MED26: variants seen among roughly 807,000 people sequenced by gnomAD.
MED26 encodes the protein mediator of RNA polymerase II transcription subunit 26.
A neutral mutation model predicts 43.7 loss-of-function variants in MED26; 7 were observed. That is an observed-to-expected ratio of 0.16 (90% CI 0.09 to 0.30). MED26 has a LOEUF of 0.30. Among genes scored for constraint, MED26 ranks in the 10% least tolerant of loss-of-function variants. The pLI is 1.00. For missense variants in MED26, 784 were observed against 840.6 expected (o/e 0.93, Z 0.83); for synonymous variants, 375 against 371.1 (o/e 1.01, Z -0.12).
chr19:16,622,709 C>A (rs2086257374), intron 1 of MED26, among the ~76,000 whole-genome samples: 1 of 152,154 alleles, frequency 6.6e-6, no homozygotes, highest in African/African-American at 2.4e-5. Context: ...CCCAAAGGAA[C>A]CAGGCAGACG....
Position 16,627,955 on chromosome 19 carries a change from G to C in MED26, c.-12C>G. The C allele has an allele frequency of 6.9e-7, 1 of 1,452,272 alleles. No individual in the cohort carries two copies. Among genetic ancestry groups the C allele is most frequent in the Non-Finnish European group, 9.1e-7 (1 of 1,099,830 alleles). 90.0% of individuals were successfully genotyped at this position (1,452,272 alleles called of 1,614,324 possible). On this transcript the variant is annotated 5_prime_UTR_variant, in exon 1 of 3. Coordinates refer to ENST00000263390, the MANE Select transcript of MED26 (RefSeq NM_004831.5). ...GGAGCCGCTGTCATTGCCTGGGCGAGGCGGGGGGTTGCGGCCGGGCCAGCG... is the reference window on the plus strand; with the variant it reads ...GGAGCCGCTGTCATTGCCTGGGCGACGCGGGGGGTTGCGGCCGGGCCAGCG...
chr19:16,621,936 A>G (rs1428282612), intron 1 of MED26, among the ~76,000 whole-genome samples: 1 of 152,102 alleles, frequency 6.6e-6, no homozygotes, highest in East Asian at 1.9e-4. Context: ...CCATTTTCTC[A>G]AGCCCAGACA....
chr19:16,623,575 G>A (rs2086260796), intron 1 of MED26, among the ~76,000 whole-genome samples: 1 of 152,192 alleles, frequency 6.6e-6, no homozygotes, highest in Non-Finnish European at 1.5e-5. Flanking sequence ...GTCTGTGACA[G>A]AGACCTTAAG....
In MED26 at chr19:16,575,953, GCCACCTGCCCACCTGCCTGCCCGC is replaced by G. The variant is rs1191265653; in HGVS notation, c.*50_*73del. The stretch of plus-strand genomic sequence containing the variant: ...CAGCGCAGGAGGCAGCTGGGCCCCG[GCCACCTGCCCACCTGCCTGCCCGC>G]CCACCCGGCTTCTGCAAGATGGGAA... On this transcript the variant is annotated 3_prime_UTR_variant, in exon 3 of 3. Coordinates refer to ENST00000263390, the MANE Select transcript of MED26 (RefSeq NM_004831.5). 2.6e-5 allele frequency: 37 copies of G among 1,449,222 alleles called. No homozygotes were observed. The highest frequency in any genetic ancestry group is 3.5e-5 in the Non-Finnish European group (37 of 1,064,256). The allele number at this position is 1,449,222 out of a possible 1,614,324, so 89.8% of individuals were successfully genotyped here. A position where few individuals can be genotyped will look rare whatever the true frequency, so the allele number is the denominator to read the frequency against.
chr19:16,596,529 C>T (rs1047676216), intron 1 of MED26, among the ~76,000 whole-genome samples: 11 of 152,214 alleles, frequency 7.2e-5, no homozygotes, highest in Admixed American at 2.0e-4. Context: ...GCAGACAACT[C>T]GGCTGCACGC....
At chr19:16,595,292 T>A (rs1330833323) in intron 1 of MED26, among the ~76,000 whole-genome samples, 2 of 152,088 alleles carry the variant, frequency 1.3e-5, no homozygotes, top group African/African-American at 4.8e-5. Context: ...TCTGACCACA[T>A]TGGGCCTAAT....
At chr19:16,596,508 C>A (rs570581013) in intron 1 of MED26, among the ~76,000 whole-genome samples, 1 of 152,204 alleles carries the variant, frequency 6.6e-6, no homozygotes, top group African/African-American at 2.4e-5. Context: ...CACCTCCTTG[C>A]GTGGAGAGAT....
At chr19:16,627,460 TA>T (rs2086285015) in intron 1 of MED26, among the ~76,000 whole-genome samples, 1 of 152,188 alleles carries the variant, frequency 6.6e-6, no homozygotes, top group Non-Finnish European at 1.5e-5. Flanking sequence ...CCCCGAGTCA[TA>T]CCCCGGACAC....
In MED26 at chr19:16,586,760, G is replaced by A. The variant is rs982230134; in HGVS notation, c.73-8351C>T. The A allele has an allele frequency of 6.6e-6, 1 of 152,248 alleles. No homozygotes were observed. 9.4% of individuals were successfully genotyped at this position (152,248 alleles called of 1,614,324 possible). A position where few individuals can be genotyped will look rare whatever the true frequency, so the allele number is the denominator to read the frequency against. On this transcript the variant is annotated intron_variant, in intron 1 of 2. Coordinates refer to ENST00000263390, the MANE Select transcript of MED26 (RefSeq NM_004831.5). This position sits in a 1 kb window ranked among gnomAD's most constrained non-coding sequence, Gnocchi z 5.1. Reference sequence around the variant, plus strand: ...TTCCTGACCACCCTGGACGGTGGGCGGCACTGCCCTGGCAGCCTGTGGGCC... The same window carrying A: ...TTCCTGACCACCCTGGACGGTGGGCAGCACTGCCCTGGCAGCCTGTGGGCC...
chr19:16,594,416 C>T (rs371600746), intron 1 of MED26, among the ~76,000 whole-genome samples: 3 of 152,234 alleles, frequency 2.0e-5, no homozygotes, highest in South Asian at 2.1e-4. Flanking sequence ...ACCTGAACCA[C>T]GCGCATCTCA....
At chr19:16,623,139 G>A (rs986481000) in intron 1 of MED26, among the ~76,000 whole-genome samples, 1 of 152,174 alleles carries the variant, frequency 6.6e-6, no homozygotes, top group Non-Finnish European at 1.5e-5. Context: ...AGTGAGGAGA[G>A]ACTGTAAAGT....
chr19:16,608,200 C>CT (rs2086183072), intron 1 of MED26, among the ~76,000 whole-genome samples: 1 of 152,228 alleles, frequency 6.6e-6, no homozygotes, highest in Admixed American at 6.5e-5. Context: ...GCCAGCTTTA[C>CT]TGAGAGAGCA....
chr19:16,614,499 C>G (rs1160671968), intron 1 of MED26, among the ~76,000 whole-genome samples: 2 of 151,682 alleles, frequency 1.3e-5, no homozygotes, highest in African/African-American at 4.8e-5. Flanking sequence ...TGCACTCCAG[C>G]CTGGGTGACA....
At chr19:16,617,505 C>T (rs2086231698) in intron 1 of MED26, among the ~76,000 whole-genome samples, 1 of 152,202 alleles carries the variant, frequency 6.6e-6, no homozygotes. Flanking sequence ...AACTCAGGAG[C>T]TGCTGCCTTT....
chr19:16,614,094 G>A lies in MED26; in HGVS notation c.72+13778C>T, dbSNP rs147245147. Among the ~76,000 whole-genome samples, 78 of 152,304 alleles carry A rather than the reference G, an allele frequency of 5.1e-4. 1 individual carries two copies. The highest frequency in any genetic ancestry group is 1.8e-3 in the African/African-American group (74 of 41,544). ...CAAGCCCCACAGGATGGTATCACCA[G>A]GTGATGGCAACACCAGCTCCATGTC... On this transcript the variant is annotated intron_variant, in intron 1 of 2. Transcript: ENST00000263390.
At position 16,628,158 on chromosome 19, in the gene MED26, G is replaced by A. The variant is rs1310187533; in HGVS notation, c.-215C>T. 3 of 363,774 alleles carry A rather than the reference G, an allele frequency of 8.2e-6. No homozygotes were observed. Among genetic ancestry groups the A allele is most frequent in the African/African-American group, 6.4e-5 (3 of 46,776 alleles). 22.5% of individuals were successfully genotyped at this position (363,774 alleles called of 1,614,324 possible). On this transcript the variant is annotated 5_prime_UTR_variant, in exon 1 of 3. Coordinates refer to ENST00000263390, the MANE Select transcript of MED26 (RefSeq NM_004831.5). ...CACCAAAGGAGGAGGAGGAGCCGCC[G>A]GAGCCGCCGCCGCTCGCTGCCGCCG...
chr19:16,607,903 T>C (rs1025227333), intron 1 of MED26, among the ~76,000 whole-genome samples: 1 of 152,124 alleles, frequency 6.6e-6, no homozygotes. Flanking sequence ...CGTGAGCCAA[T>C]GAGGGGTGCT....
At chr19:16,626,073 G>A (rs1487834051) in intron 1 of MED26, among the ~76,000 whole-genome samples, 1 of 152,070 alleles carries the variant, frequency 6.6e-6, no homozygotes, top group African/African-American at 2.4e-5. Context: ...TCTGCCTCAA[G>A]GAACCCTTTA....
intron 1 of MED26, among the ~76,000 whole-genome samples, chr19:16,607,739 T>A (rs555035582): frequency 3.9e-4 from 60 of 152,324 alleles, no homozygotes; most frequent in African/African-American, 1.3e-3. Flanking sequence ...GATTTTTTTT[T>A]AAGCTCATTG....
Sources: gnomAD v4.1 joint callset for allele counts (sites outside exome capture counted in the v4.1 genomes callset) on GRCh38, gnomAD v4.1.1 for gene constraint, Gnocchi (gnomAD v3.1) non-coding constraint, MANE v1.5 for transcripts, NCBI Gene and HGNC (gene_info 2026-07-23, HGNC 2026-07-21) for gene names.